The following IL1RAPL2 variants were observed in gnomAD, a reference collection of about 807,000 sequenced individuals.
IL1RAPL2 encodes X-linked interleukin-1 receptor accessory protein-like 2.
IL1RAPL2 carries 3 observed loss-of-function variants against 44.1 expected under a neutral mutation model. The ratio of observed to expected loss-of-function variants is 0.07; its 90% CI spans 0.03 to 0.18. IL1RAPL2 has a LOEUF of 0.18. Ranked by LOEUF, IL1RAPL2 falls within the 10% of genes least tolerant of loss-of-function variation. The pLI is 1.00. For missense variants in IL1RAPL2, 391 were observed against 496.4 expected (o/e 0.79, Z 2.02); for synonymous variants, 181 against 178.8 (o/e 1.01, Z -0.10).
chrX:105,610,658 C>T (rs184574818), intron 6 of IL1RAPL2, among the ~76,000 whole-genome samples: 1 of 111,881 alleles, frequency 8.9e-6, no homozygotes, highest in African/African-American at 3.2e-5. Context: ...CACATCACAG[C>T]CATCGTAAAA....
chrX:105,628,341 C>A (rs189972353), intron 6 of IL1RAPL2, among the ~76,000 whole-genome samples: 1 of 111,181 alleles, frequency 9.0e-6, no homozygotes, highest in Admixed American at 9.6e-5. Context: ...TCCTTCCTAA[C>A]TTTTACAGTC....
At chrX:104,840,025 C>T (rs1185366636) in intron 2 of IL1RAPL2, among the ~76,000 whole-genome samples, 1 of 111,487 alleles carries the variant, frequency 9.0e-6, no homozygotes, top group African/African-American at 3.3e-5. Flanking sequence ...CTCCTGGATT[C>T]GTTGATTTTT....
chrX:105,022,695 C>T (rs2031302444), intron 2 of IL1RAPL2, among the ~76,000 whole-genome samples: 1 of 111,077 alleles, frequency 9.0e-6, no homozygotes, highest in Admixed American at 9.6e-5. Flanking sequence ...GGTAGAGATG[C>T]CCTCCCCTAT....
At chrX:105,215,916 T>G (rs1252087371) in intron 3 of IL1RAPL2, among the ~76,000 whole-genome samples, 1 of 111,742 alleles carries the variant, frequency 8.9e-6, no homozygotes, top group Non-Finnish European at 1.9e-5. Context: ...CAACACCCCT[T>G]TATGATAAAA....
intron 5 of IL1RAPL2, among the ~76,000 whole-genome samples, chrX:105,281,285 C>G (rs1428494416): frequency 9.0e-6 from 1 of 110,540 alleles, no homozygotes; most frequent in African/African-American, 3.3e-5. Flanking sequence ...GAGTAGGGGT[C>G]TAGGGGAGGG....
intron 2 of IL1RAPL2, among the ~76,000 whole-genome samples, chrX:104,712,991 T>C (rs1379081344): frequency 9.0e-6 from 1 of 111,040 alleles, no homozygotes; most frequent in Non-Finnish European, 1.9e-5. Context: ...TATAACAGTA[T>C]TTTAATGGCA....
intron 5 of IL1RAPL2, among the ~76,000 whole-genome samples, chrX:105,341,642 G>A (rs1312452409): frequency 1.8e-5 from 2 of 111,950 alleles, no homozygotes; most frequent in Non-Finnish European, 3.8e-5. Flanking sequence ...CAAATATTAA[G>A]AATTGATGGC....
chrX:105,538,075 C>T (rs1280472340), intron 6 of IL1RAPL2, among the ~76,000 whole-genome samples: 9 of 86,532 alleles, frequency 1.0e-4, no homozygotes, highest in African/African-American at 3.0e-4. Context: ...CTGGCTCTGT[C>T]GCCCAGGCTG....
chrX:105,405,729 C>A, intron 5 of IL1RAPL2: 1 of 970,819 alleles, frequency 1.0e-6, no homozygotes, highest in Non-Finnish European at 1.5e-6. Context: ...CTGATTGTCA[C>A]ACAAAAGTGT....
At chrX:105,644,705 C>T (rs2037593765) in intron 6 of IL1RAPL2, among the ~76,000 whole-genome samples, 1 of 110,188 alleles carries the variant, frequency 9.1e-6, no homozygotes, top group African/African-American at 3.3e-5. Context: ...TTTGCTGCAC[C>T]CATCAACCCA....
intron 2 of IL1RAPL2, among the ~76,000 whole-genome samples, chrX:104,995,676 C>T (rs2030735576): frequency 8.9e-6 from 1 of 111,917 alleles, no homozygotes; most frequent in African/African-American, 3.2e-5. Context: ...TCCAATTTAT[C>T]TTTATGATAG....
intron 2 of IL1RAPL2, among the ~76,000 whole-genome samples, chrX:104,734,379 C>A (rs774846658): frequency 8.9e-6 from 1 of 112,496 alleles, no homozygotes; most frequent in East Asian, 2.8e-4. Context: ...TAATAACCCC[C>A]AATTGGAAAC....
chrX:104,958,006 C>T (rs1387803767), intron 2 of IL1RAPL2, among the ~76,000 whole-genome samples: 1 of 111,597 alleles, frequency 9.0e-6, no homozygotes, highest in East Asian at 2.8e-4. Flanking sequence ...ACTGGAAGAT[C>T]GCTTGAGTCC....
At chrX:104,681,217 C>A (rs918760787) in intron 2 of IL1RAPL2, among the ~76,000 whole-genome samples, 1 of 112,226 alleles carries the variant, frequency 8.9e-6, no homozygotes, top group Non-Finnish European at 1.9e-5. Flanking sequence ...AATGTATATT[C>A]TCATACCAAA....
intron 2 of IL1RAPL2, among the ~76,000 whole-genome samples, chrX:104,934,433 A>G (rs1468125026): frequency 9.0e-6 from 1 of 111,429 alleles, no homozygotes. Flanking sequence ...TCAACCACAG[A>G]TGATTATTAT....
intron 2 of IL1RAPL2, among the ~76,000 whole-genome samples, chrX:104,753,136 CTTT>C (rs34311371): frequency 1.0e-5 from 1 of 97,765 alleles, no homozygotes; most frequent in Non-Finnish European, 2.1e-5. Context: ...CCCACAATAT[CTTT>C]TTTTTTTTTT....
intron 2 of IL1RAPL2, among the ~76,000 whole-genome samples, chrX:104,917,258 G>A (rs1376931968): frequency 9.0e-6 from 1 of 111,673 alleles, no homozygotes; most frequent in Admixed American, 9.5e-5. Context: ...CCTGTTAGTA[G>A]TTGTTTTCTA....
intron 2 of IL1RAPL2, among the ~76,000 whole-genome samples, chrX:104,915,449 G>A (rs1602814748): frequency 9.0e-6 from 1 of 111,394 alleles, no homozygotes; most frequent in Non-Finnish European, 1.9e-5. Flanking sequence ...GGAGTTCATT[G>A]TAGATTCTAG....
rs1444567456 is a variant in IL1RAPL2, at chrX:105,164,763, T to C, written c.83-30712T>C. On this transcript the variant is annotated intron_variant, in intron 2 of 10. Coordinates refer to ENST00000372582, the MANE Select transcript of IL1RAPL2 (RefSeq NM_017416.2). Reference sequence around the variant, plus strand: ...TCTACCACTGATAAGCTGAGTGAGTTTGAACGGATTATATACACTCTCTGC... The same window carrying C: ...TCTACCACTGATAAGCTGAGTGAGTCTGAACGGATTATATACACTCTCTGC... Among the ~76,000 whole-genome samples the C allele has an allele frequency of 4.5e-5, 5 of 111,797 alleles. No individual in the cohort carries two copies. The East Asian group carries it at 1.4e-3, about 31-fold the overall frequency.
Sources: allele counts gnomAD v4.1 joint callset (sites outside exome capture counted in the v4.1 genomes callset), GRCh38; gene constraint gnomAD v4.1.1; transcripts MANE v1.5; gene names NCBI Gene and HGNC (gene_info 2026-07-23, HGNC 2026-07-21).